Variants in CABLES1 observed in about 807,000 individuals in gnomAD.
CABLES1 encodes CDK5 and ABL1 enzyme substrate 1.
Under a neutral mutation model 57.8 loss-of-function variants are expected in CABLES1, and 36 were observed. The observed-to-expected ratio is 0.62, with a 90% CI of 0.48 to 0.82. The LOEUF is 0.82. CABLES1 is among the 40% of genes least tolerant of loss of function. The pLI is 0.00. For synonymous variants in CABLES1, 374 were observed against 363.0 expected, an observed-to-expected ratio of 1.03 and a Z score of -0.35; for missense variants, 767 against 836.6, an observed-to-expected ratio of 0.92 and a Z score of 1.03.
intron 3 of CABLES1, among the ~76,000 whole-genome samples, chr18:23,210,568 T>G (rs2047397495): frequency 6.6e-6 from 1 of 152,190 alleles, no homozygotes; most frequent in Admixed American, 6.5e-5. Context: ...AAGCTGCAAA[T>G]TCACATGAAC....
At chr18:23,242,781 G>A (rs1442822167) in intron 7 of CABLES1, among the ~76,000 whole-genome samples, 1 of 152,132 alleles carries the variant, frequency 6.6e-6, no homozygotes, top group Non-Finnish European at 1.5e-5. Context: ...ATGATAAAAT[G>A]CCTATTTTTT....
intron 3 of CABLES1, chr18:23,204,609 G>GCTGCTGATTCGTCTGTTCTCACA (rs1205786510): frequency 2.0e-5 from 3 of 152,380 alleles, no homozygotes; most frequent in African/African-American, 7.2e-5. Flanking sequence ...CTCTTCTCAC[G>GCTGCTGATTCGTCTGTTCTCACA]CTGCTGATTC....
At chr18:23,167,983 T>G in intron 1 of CABLES1, among the ~76,000 whole-genome samples, 1 of 152,024 alleles carries the variant, frequency 6.6e-6, no homozygotes, top group Non-Finnish European at 1.5e-5. Flanking sequence ...GCTCTCAAGG[T>G]GATGCCAGCA....
At chr18:23,216,527 G>A (rs1735013261) in intron 4 of CABLES1, among the ~76,000 whole-genome samples, 1 of 152,166 alleles carries the variant, frequency 6.6e-6, no homozygotes, top group Admixed American at 6.5e-5. Flanking sequence ...CACTCAGCAA[G>A]GACCCCATAT....
In CABLES1 at chr18:23,237,190, A is replaced by G. The variant is rs2047625639; in HGVS notation, c.1391A>G (p.Asp464Gly). Residue 464 changes from aspartate to glycine, a missense_variant, in exon 7 of 10, where the codon GAC becomes GGC. By Grantham distance (94) the Asp-to-Gly change is moderately conservative. Transcript: ENST00000256925. ...GACTATGACCCAAATCTCTTGGATG[A>G]CCCCCAGTGGCCTTGTGGCAAACAC... is the stretch of plus-strand genomic sequence containing the variant. ...FMDYDPNLLD[D>G]PQWPCGKHKR... is the part of the protein sequence containing the mutation. 2.5e-6 allele frequency: 4 copies of G among 1,613,732 alleles called. No homozygotes were observed. Among genetic ancestry groups the G allele is most frequent in the Non-Finnish European group, 3.4e-6 (4 of 1,179,762 alleles).
intron 1 of CABLES1, among the ~76,000 whole-genome samples, chr18:23,151,013 A>T (rs1598799871): frequency 1.8e-5 from 2 of 111,172 alleles, no homozygotes; most frequent in South Asian, 6.4e-4. Flanking sequence ...GCCCTGGCCT[A>T]CGTTTTTTTT....
intron 1 of CABLES1, among the ~76,000 whole-genome samples, chr18:23,145,048 G>C (rs993089897): frequency 1.3e-5 from 2 of 151,354 alleles, no homozygotes; most frequent in African/African-American, 4.9e-5. Context: ...CAATTCTCCT[G>C]CCTCAGCCTC....
intron 3 of CABLES1, among the ~76,000 whole-genome samples, chr18:23,202,196 T>G (rs569895241): frequency 6.6e-6 from 1 of 152,332 alleles, no homozygotes; most frequent in Non-Finnish European, 1.5e-5. Flanking sequence ...TCACTCTGGG[T>G]GACCAAAAGT....
chr18:23,235,598 A>G (rs1279182024), intron 5 of CABLES1, among the ~76,000 whole-genome samples: 3 of 152,232 alleles, frequency 2.0e-5, no homozygotes, highest in Admixed American at 6.5e-5. Context: ...ACACAACACC[A>G]CAGCAGGTCC....
At chr18:23,234,730 C>G in intron 5 of CABLES1, 26 bp downstream of exon 5, 1 of 1,582,156 alleles carries the variant, frequency 6.3e-7, no homozygotes, top group Non-Finnish European at 8.7e-7. Flanking sequence ...TGCCAGTCAC[C>G]AAGTTGTGCT....
chr18:23,220,390 A>G (rs2047478061), intron 4 of CABLES1, among the ~76,000 whole-genome samples: 1 of 152,062 alleles, frequency 6.6e-6, no homozygotes, highest in South Asian at 2.1e-4. Flanking sequence ...AGGTGCCAGT[A>G]TTACCATTTT....
intron 1 of CABLES1, among the ~76,000 whole-genome samples, chr18:23,149,490 T>G (rs1402491653): frequency 6.6e-6 from 1 of 152,082 alleles, no homozygotes; most frequent in Non-Finnish European, 1.5e-5. Flanking sequence ...CCATGTTGCC[T>G]AGGCTGGTCT....
At chr18:23,150,349 C>T (rs1041651741) in intron 1 of CABLES1, among the ~76,000 whole-genome samples, 6 of 151,770 alleles carry the variant, frequency 4.0e-5, no homozygotes, top group Middle Eastern at 3.2e-3. Context: ...GCTGGGACTA[C>T]AGGTGCCCGC....
intron 4 of CABLES1, among the ~76,000 whole-genome samples, chr18:23,234,281 C>T (rs1417416143): frequency 6.6e-6 from 1 of 152,160 alleles, no homozygotes; most frequent in Non-Finnish European, 1.5e-5. Flanking sequence ...AAACTGTGGT[C>T]CCACGATGCC....
At chr18:23,231,695 A>T (rs1466876677) in intron 4 of CABLES1, among the ~76,000 whole-genome samples, 4 of 152,122 alleles carry the variant, frequency 2.6e-5, no homozygotes, top group Non-Finnish European at 4.4e-5. Context: ...GTTTCTAAGA[A>T]TCCCTGTTTC....
intron 2 of CABLES1, among the ~76,000 whole-genome samples, chr18:23,190,851 A>T (rs1343324012): frequency 6.6e-6 from 1 of 152,062 alleles, no homozygotes; most frequent in African/African-American, 2.4e-5. Context: ...GGAGGCAGGA[A>T]GATTGCTTAG....
intron 1 of CABLES1, among the ~76,000 whole-genome samples, chr18:23,163,443 C>T (rs752970792): frequency 1.2e-4 from 19 of 152,084 alleles, no homozygotes; most frequent in Non-Finnish European, 2.4e-4. Flanking sequence ...GAGGGTCTTC[C>T]GTATCGAGAG....
intron 4 of CABLES1, among the ~76,000 whole-genome samples, chr18:23,222,404 G>GCAGCA (rs1483238210): frequency 3.3e-5 from 5 of 151,904 alleles, no homozygotes; most frequent in Non-Finnish European, 7.4e-5. Context: ...CAAGGTATCT[G>GCAGCA]CAGCACTGTG....
At chr18:23,150,763 C>T (rs2144960889) in intron 1 of CABLES1, among the ~76,000 whole-genome samples, 1 of 151,728 alleles carries the variant, frequency 6.6e-6, no homozygotes, top group African/African-American at 2.4e-5. Context: ...GAAAGGCTTT[C>T]TCGGGAAGAT....
Sources: gnomAD v4.1 joint callset for allele counts (sites outside exome capture counted in the v4.1 genomes callset) on GRCh38, gnomAD v4.1.1 for gene constraint, MANE v1.5 for transcripts, NCBI Gene and HGNC (gene_info 2026-07-23, HGNC 2026-07-21) for gene names.